FKBP1B: variants seen among roughly 807,000 people sequenced by gnomAD.
FKBP1B encodes peptidyl-prolyl cis-trans isomerase FKBP1B.
FKBP1B carries 4 observed loss-of-function variants against 13.5 expected under a neutral mutation model. The ratio of observed to expected loss-of-function variants is 0.30; its 90% CI spans 0.15 to 0.68. The LOEUF (loss-of-function observed/expected upper bound fraction) is 0.68. Ranked by LOEUF, FKBP1B falls within the 30% of genes least tolerant of loss-of-function variation. The pLI, the probability that FKBP1B is intolerant of heterozygous loss-of-function variation, is 0.76. For missense variants in FKBP1B, 93 were observed against 136.2 expected, an observed-to-expected ratio of 0.68 and a Z score of 1.58; for synonymous variants, 54 against 53.6, an observed-to-expected ratio of 1.01 and a Z score of -0.03.
the FKBP1B span, chr2:24,039,260 C>T: frequency 6.2e-7 from 1 of 1,614,232 alleles, no homozygotes; most frequent in Non-Finnish European, 8.5e-7. Context: ...TCATGCTGGA[C>T]AGCGAGTAGA....
intron 2 of FKBP1B, among the ~76,000 whole-genome samples, chr2:24,059,022 G>T (rs1664257502): frequency 1.3e-5 from 2 of 152,168 alleles, no homozygotes; most frequent in African/African-American, 2.4e-5. Context: ...CACTAAGCTG[G>T]CCCTGCTTCC....
At chr2:24,049,957 T>G (rs1663778512) in intron 1 of FKBP1B, 71 bp downstream of exon 1, 2 of 1,263,758 alleles carry the variant, frequency 1.6e-6, no homozygotes, top group Non-Finnish European at 2.0e-6. Flanking sequence ...GGGGGTCTGA[T>G]TCGGAGGTGG....
At chr2:24,054,746 G>C (rs1664041437) in intron 2 of FKBP1B, 1 of 152,532 alleles carries the variant, frequency 6.6e-6, no homozygotes, top group African/African-American at 2.4e-5. Context: ...GCTGATGTCA[G>C]TGGGCTGGAC....
In FKBP1B at chr2:24,050,654, A is replaced by ATTAC. The variant is rs953616105; in HGVS notation, c.37+770_37+773dup. ...GTGTCTCACTTTCCCAAGTCCTTGTATTACTGGGTCTGGGTGTGCAAGGAA... is the reference window on the plus strand; with the variant it reads ...GTGTCTCACTTTCCCAAGTCCTTGTATTACTTACTGGGTCTGGGTGTGCAAGGAA... On this transcript the variant is annotated intron_variant, in intron 1 of 3. Coordinates refer to ENST00000380986, the MANE Select transcript of FKBP1B (RefSeq NM_004116.5). The surrounding 1 kb of genome is among the most constrained non-coding windows in gnomAD (Gnocchi z 5.8). Among the ~76,000 whole-genome samples the ATTAC allele has an allele frequency of 9.9e-5, 15 of 152,104 alleles. No homozygotes were observed. Among genetic ancestry groups the ATTAC allele is most frequent in the African/African-American group, 3.4e-4 (14 of 41,418 alleles).
intron 2 of FKBP1B, among the ~76,000 whole-genome samples, chr2:24,057,330 G>A (rs920535069): frequency 4.0e-5 from 6 of 151,876 alleles, no homozygotes; most frequent in African/African-American, 1.5e-4. Context: ...CAAGTAGCTG[G>A]GAGTACAGGA....
the FKBP1B span, chr2:24,037,584 G>A: frequency 7.5e-7 from 1 of 1,334,704 alleles, no homozygotes. Context: ...AGCTCAGTTA[G>A]AGCACCATCT....
chr2:24,051,748 C>T (rs1456455517), intron 1 of FKBP1B, among the ~76,000 whole-genome samples: 1 of 152,286 alleles, frequency 6.6e-6, no homozygotes, highest in East Asian at 1.9e-4. Flanking sequence ...CCATTCTCTC[C>T]TCTATGATGT....
chr2:24,037,608 G>A, the FKBP1B span: 18 of 1,442,736 alleles, frequency 1.2e-5, no homozygotes, highest in South Asian at 1.2e-4. Flanking sequence ...TCATCAATAC[G>A]TTTCTTGCAG....
chr2:24,060,207 T>C (rs1664322250), intron 2 of FKBP1B, among the ~76,000 whole-genome samples: 1 of 151,602 alleles, frequency 6.6e-6, no homozygotes, highest in Non-Finnish European at 1.5e-5. Context: ...AGTTAGGAGG[T>C]TGTTCCTGTG....
upstream of FKBP1B, among the ~76,000 whole-genome samples, chr2:24,044,779 G>A (rs1265413059): frequency 7.0e-6 from 1 of 141,988 alleles, no homozygotes; most frequent in Non-Finnish European, 1.5e-5. Context: ...CTTTCCAAAT[G>A]AGCCTGCATA....
chr2:24,035,246 T>G, the FKBP1B span, among the ~76,000 whole-genome samples: 1 of 151,820 alleles, frequency 6.6e-6, no homozygotes, highest in Admixed American at 6.6e-5. Context: ...AAGAGCTCTG[T>G]GTGCTGATAT....
chr2:24,051,195 A>T (rs1275319400), intron 1 of FKBP1B, among the ~76,000 whole-genome samples: 1 of 152,044 alleles, frequency 6.6e-6, no homozygotes, highest in Non-Finnish European at 1.5e-5. Context: ...TTAGCTGGGC[A>T]TGGTGGTACG....
At position 24,050,946 on chromosome 2, in the gene FKBP1B, C is replaced by A. The variant is rs1358849973; in HGVS notation, c.37+1060C>A. On this transcript the variant is annotated intron_variant, in intron 1 of 3. Coordinates refer to ENST00000380986, the MANE Select transcript of FKBP1B (RefSeq NM_004116.5). The surrounding 1 kb of genome is among the most constrained non-coding windows in gnomAD (Gnocchi z 5.8). Reference sequence around the variant, plus strand: ...ATCTCCCTGAGGCCTTTTCATCCCTCAGCAGCCCCTGAGCTAATCTCCCCA... The same window carrying A: ...ATCTCCCTGAGGCCTTTTCATCCCTAAGCAGCCCCTGAGCTAATCTCCCCA... Among the ~76,000 whole-genome samples, 1 of 152,220 alleles carries A rather than the reference C, an allele frequency of 6.6e-6. No individual in the cohort carries two copies. Among genetic ancestry groups the A allele is most frequent in the Non-Finnish European group, 1.5e-5 (1 of 68,040 alleles).
chr2:24,046,727 A>C (rs1227122723), upstream of FKBP1B, among the ~76,000 whole-genome samples: 1 of 152,210 alleles, frequency 6.6e-6, no homozygotes, highest in Non-Finnish European at 1.5e-5. Flanking sequence ...ATCATACACA[A>C]GAAAAAAATT....
At chr2:24,059,149 C>A (rs965097690) in intron 2 of FKBP1B, among the ~76,000 whole-genome samples, 5 of 152,166 alleles carry the variant, frequency 3.3e-5, no homozygotes, top group African/African-American at 1.2e-4. Flanking sequence ...CAAGCAAGGT[C>A]TTTTTCTAGT....
chr2:24,054,259 G>T, intron 2 of FKBP1B: 1 of 550,690 alleles, frequency 1.8e-6, no homozygotes, highest in Admixed American at 3.1e-5. Flanking sequence ...TCCCTGCTGG[G>T]TCTGTCTGAT....
At chr2:24,055,049 T>C (rs577107593) in intron 2 of FKBP1B, among the ~76,000 whole-genome samples, 2 of 152,290 alleles carry the variant, frequency 1.3e-5, no homozygotes, top group South Asian at 4.1e-4. Flanking sequence ...TCTAGGTCAA[T>C]GAATTTTTTC....
chr2:24,063,480 C>CATGATACG lies in FKBP1B; in HGVS notation c.*288_*289insATGATACG. ...GATGACAGAACACAGATCTCTTGTT[C>CATGATACG]GCACAATCTACACTGCCTTACCTTC... On this transcript the variant is annotated 3_prime_UTR_variant, in exon 4 of 4. Coordinates refer to ENST00000380986, the MANE Select transcript of FKBP1B (RefSeq NM_004116.5). The CATGATACG allele has an allele frequency of 6.0e-6, 2 of 333,322 alleles. No individual in the cohort carries two copies. The highest frequency in any genetic ancestry group is 1.9e-4 in the South Asian group (2 of 10,684). 20.6% of individuals were successfully genotyped at this position (333,322 alleles called of 1,614,324 possible).
At chr2:24,039,555 A>ATTTGTCTAGATTT in the FKBP1B span, 2 of 1,553,802 alleles carry the variant, frequency 1.3e-6, no homozygotes, top group Middle Eastern at 1.7e-4. Flanking sequence ...AGAAATCTAG[A>ATTTGTCTAGATTT]CAAATCTAGA....
Sources: gnomAD v4.1 joint callset for allele counts (sites outside exome capture counted in the v4.1 genomes callset) on GRCh38, gnomAD v4.1.1 for gene constraint, Gnocchi (gnomAD v3.1) non-coding constraint, MANE v1.5 for transcripts, NCBI Gene and HGNC (gene_info 2026-07-23, HGNC 2026-07-21) for gene names.